KIAA1217: variants seen among roughly 807,000 people sequenced by gnomAD.
KIAA1217 encodes the protein sickle tail protein homolog.
In KIAA1217, 88 loss-of-function variants were observed where a neutral mutation model predicts 163.9. The ratio of observed to expected loss-of-function variants is 0.54; its 90% CI spans 0.45 to 0.64. The LOEUF is 0.64. KIAA1217 is among the 30% of genes least tolerant of loss of function. KIAA1217 has a pLI of 0.00. For synonymous variants in KIAA1217, 903 were observed against 923.1 expected (o/e 0.98, Z 0.39); for missense variants, 2,372 against 2,475.0 (o/e 0.96, Z 0.88).
At chr10:23,838,307 A>T (rs981216099) in intron 1 of KIAA1217, among the ~76,000 whole-genome samples, 1 of 152,190 alleles carries the variant, frequency 6.6e-6, no homozygotes, top group Non-Finnish European at 1.5e-5. Context: ...ATGATTTCCC[A>T]TTACTGATAT....
intron 1 of KIAA1217, among the ~76,000 whole-genome samples, chr10:23,712,690 C>A (rs986359345): frequency 3.9e-5 from 6 of 151,902 alleles, no homozygotes; most frequent in African/African-American, 1.4e-4. Context: ...AGCCTTTGAA[C>A]CTGTTTATGG....
intron 1 of KIAA1217, among the ~76,000 whole-genome samples, chr10:23,931,076 C>T (rs1310585113): frequency 6.6e-6 from 1 of 152,134 alleles, no homozygotes; most frequent in Non-Finnish European, 1.5e-5. Flanking sequence ...ATAGTTCCTA[C>T]TTCTAGGCTG....
intron 2 of KIAA1217, among the ~76,000 whole-genome samples, chr10:24,136,157 T>C (rs1254006137): frequency 1.3e-5 from 2 of 152,114 alleles, no homozygotes; most frequent in Non-Finnish European, 2.9e-5. Flanking sequence ...AATAGCAATA[T>C]GGATCCATTC....
chr10:24,284,000 C>T (rs1382434572), intron 2 of KIAA1217, among the ~76,000 whole-genome samples: 1 of 151,970 alleles, frequency 6.6e-6, no homozygotes, highest in Non-Finnish European at 1.5e-5. Flanking sequence ...GCCTCCACCT[C>T]CTGGGTTCAA....
chr10:24,131,018 C>A (rs1022211300), intron 2 of KIAA1217, among the ~76,000 whole-genome samples: 4 of 152,160 alleles, frequency 2.6e-5, no homozygotes, highest in Admixed American at 6.6e-5. Context: ...AATAAAAATA[C>A]ATATCTTTAG....
chr10:24,248,220 A>T (rs1236036284), intron 2 of KIAA1217, among the ~76,000 whole-genome samples: 1 of 152,190 alleles, frequency 6.6e-6, no homozygotes, highest in Non-Finnish European at 1.5e-5. Context: ...ATAGGACCTC[A>T]TCTTTCTAAA....
At chr10:24,032,541 C>A (rs945890921) in intron 2 of KIAA1217, among the ~76,000 whole-genome samples, 1 of 152,146 alleles carries the variant, frequency 6.6e-6, no homozygotes, top group South Asian at 2.1e-4. Context: ...CTGGCCTCTT[C>A]ATGAGTTTTG....
rs201156113 is a variant in KIAA1217 at position 24,254,854 on chromosome 10, TA to T, written c.354+34947del. Among the ~76,000 whole-genome samples the T allele has an allele frequency of 2.6e-5, 4 of 151,958 alleles. No homozygotes were observed. The East Asian group carries it at 7.8e-4, about 29-fold the overall frequency. ...GTCTCCGTCCAACTCTGTTCAACTC[TA>T]ATTTTTTTTTTTTTTTGAGACGGAG... On this transcript the variant is annotated intron_variant, in intron 2 of 20. Coordinates refer to ENST00000376454, the MANE Select transcript of KIAA1217 (RefSeq NM_019590.5).
chr10:24,324,050 T>C (rs2044538146), intron 2 of KIAA1217, among the ~76,000 whole-genome samples: 1 of 151,872 alleles, frequency 6.6e-6, no homozygotes, highest in Non-Finnish European at 1.5e-5. Flanking sequence ...GAGGATTGCT[T>C]GAGGTCATGA....
At chr10:24,363,319 C>T (rs904028912) in intron 2 of KIAA1217, among the ~76,000 whole-genome samples, 2 of 152,094 alleles carry the variant, frequency 1.3e-5, no homozygotes, top group Non-Finnish European at 2.9e-5. Context: ...AACTCTGAAC[C>T]CCTTTCCCTT....
chr10:24,250,906 C>T (rs2074426891), intron 2 of KIAA1217, among the ~76,000 whole-genome samples: 1 of 151,104 alleles, frequency 6.6e-6, no homozygotes, highest in Admixed American at 6.6e-5. Context: ...CTGAGCAACA[C>T]AGGAAGACCC....
At chr10:24,177,246 A>T in intron 2 of KIAA1217, among the ~76,000 whole-genome samples, 1 of 102,070 alleles carries the variant, frequency 9.8e-6, no homozygotes, top group African/African-American at 4.1e-5. Flanking sequence ...GCACGTTTTC[A>T]CCTCTCACCA....
At chr10:23,891,771 C>T (rs1001826079) in intron 1 of KIAA1217, among the ~76,000 whole-genome samples, 3 of 151,694 alleles carry the variant, frequency 2.0e-5, no homozygotes, top group African/African-American at 7.3e-5. Flanking sequence ...TTTTGTACTT[C>T]TTAGTTTAAA....
At chr10:24,004,700 G>T (rs775745503) in intron 1 of KIAA1217, among the ~76,000 whole-genome samples, 7 of 152,326 alleles carry the variant, frequency 4.6e-5, no homozygotes, top group Non-Finnish European at 8.8e-5. Flanking sequence ...CAAATTGTCT[G>T]CCTTCTCATA....
intron 2 of KIAA1217, among the ~76,000 whole-genome samples, chr10:24,273,604 C>T (rs2132019067): frequency 6.6e-6 from 1 of 152,174 alleles, no homozygotes; most frequent in Non-Finnish European, 1.5e-5. Flanking sequence ...GTAATCCAAG[C>T]ACTTTGGGAG....
At chr10:24,022,064 C>CA (rs1589245873) in intron 2 of KIAA1217, among the ~76,000 whole-genome samples, 1 of 151,094 alleles carries the variant, frequency 6.6e-6, no homozygotes, top group East Asian at 2.0e-4. Context: ...ATATACAACA[C>CA]AAAAGCAAGG....
At chr10:24,274,295 C>T (rs1417330205) in intron 2 of KIAA1217, among the ~76,000 whole-genome samples, 1 of 152,110 alleles carries the variant, frequency 6.6e-6, no homozygotes, top group Non-Finnish European at 1.5e-5. Context: ...TCATGACCAG[C>T]CACCTCAGCC....
At chr10:24,369,546 G>T (rs1216256476) in intron 2 of KIAA1217, among the ~76,000 whole-genome samples, 2 of 152,096 alleles carry the variant, frequency 1.3e-5, no homozygotes, top group Admixed American at 1.3e-4. Context: ...AGTTTTAGGG[G>T]TACGATTCCG....
intron 1 of KIAA1217, among the ~76,000 whole-genome samples, chr10:23,814,334 A>G (rs1837219762): frequency 6.6e-6 from 1 of 152,188 alleles, no homozygotes; most frequent in Non-Finnish European, 1.5e-5. Context: ...ACTTAACAGC[A>G]CAGACTCCAG....
Sources: allele counts gnomAD v4.1 joint callset (sites outside exome capture counted in the v4.1 genomes callset), GRCh38; gene constraint gnomAD v4.1.1; transcripts MANE v1.5; gene names NCBI Gene and HGNC (gene_info 2026-07-23, HGNC 2026-07-21).